LIX1: variants seen among roughly 807,000 people sequenced by gnomAD.
LIX1 encodes protein limb expression 1 homolog.
A neutral mutation model predicts 33.4 loss-of-function variants in LIX1; 24 were observed. That is an observed-to-expected ratio of 0.72 (90% confidence interval 0.52 to 1.01). LIX1 has a LOEUF of 1.01. Among genes scored for constraint, LIX1 ranks in the 50% least tolerant of loss-of-function variants. The pLI is 0.00. For missense variants in LIX1, 311 were observed against 339.2 expected (o/e 0.92, Z 0.65); for synonymous variants, 124 against 124.0 (o/e 1.00, Z 0.00).
At chr5:97,137,085 T>C (rs956848901) in intron 1 of LIX1, 1 of 445,528 alleles carries the variant, frequency 2.2e-6, no homozygotes, top group African/African-American at 2.0e-5. Flanking sequence ...AAACAGAAGA[T>C]CATAACTTAG....
chr5:97,128,580 A>G (rs908619661), intron 1 of LIX1, among the ~76,000 whole-genome samples: 1 of 152,022 alleles, frequency 6.6e-6, no homozygotes, highest in African/African-American at 2.4e-5. Context: ...TGTTGCAAAA[A>G]CTCAACATAT....
chr5:97,115,467 T>C (rs1680893573), intron 2 of LIX1, among the ~76,000 whole-genome samples: 1 of 152,140 alleles, frequency 6.6e-6, no homozygotes, highest in Non-Finnish European at 1.5e-5. Flanking sequence ...TATTAGAAAA[T>C]AGGCAGGATA....
chr5:97,126,086 A>T (rs1489314027), intron 1 of LIX1, among the ~76,000 whole-genome samples: 2 of 152,164 alleles, frequency 1.3e-5, no homozygotes, highest in Admixed American at 6.5e-5. Flanking sequence ...TCCTTAAGCC[A>T]TTTTCAGGTG....
chr5:97,108,334 C>G (rs1461041542), intron 2 of LIX1, among the ~76,000 whole-genome samples: 1 of 152,162 alleles, frequency 6.6e-6, no homozygotes. Context: ...CCATAGGCAG[C>G]CTATGATTAG....
chr5:97,140,478 T>C (rs769026449), intron 1 of LIX1, among the ~76,000 whole-genome samples: 72 of 152,308 alleles, frequency 4.7e-4, no homozygotes, highest in Non-Finnish European at 8.8e-4. Context: ...CATTCAAGGC[T>C]GGTGGCAGCT....
At chr5:97,099,569 G>T (rs1364234360) in intron 4 of LIX1, among the ~76,000 whole-genome samples, 1 of 152,212 alleles carries the variant, frequency 6.6e-6, no homozygotes, top group Non-Finnish European at 1.5e-5. Flanking sequence ...CAGGTGTGGT[G>T]GCTTGTGCCT....
intron 1 of LIX1, among the ~76,000 whole-genome samples, chr5:97,141,117 C>G (rs777542415): frequency 2.1e-5 from 3 of 143,962 alleles, no homozygotes; most frequent in African/African-American, 7.4e-5. Context: ...CAGTGAAAAA[C>G]GTCCCCCCTA....
At chr5:97,125,229 T>C in intron 1 of LIX1, among the ~76,000 whole-genome samples, 1 of 152,264 alleles carries the variant, frequency 6.6e-6, no homozygotes, top group African/African-American at 2.4e-5. Context: ...AAGAACAAGG[T>C]CTGTTCGAGT....
intron 3 of LIX1, among the ~76,000 whole-genome samples, chr5:97,106,596 G>A (rs1446306264): frequency 1.3e-5 from 2 of 152,146 alleles, no homozygotes; most frequent in African/African-American, 2.4e-5. Context: ...CACACACAGG[G>A]CGATACTTGC....
chr5:97,136,954 G>A, intron 1 of LIX1: 1 of 219,204 alleles, frequency 4.6e-6, no homozygotes, highest in Admixed American at 5.3e-5. Flanking sequence ...AGAGTGTTTG[G>A]GGTTAAAACA....
intron 1 of LIX1, among the ~76,000 whole-genome samples, 161 bp downstream of exon 1, chr5:97,142,334 A>T (rs1235289470): frequency 1.3e-5 from 2 of 152,236 alleles, no homozygotes; most frequent in Admixed American, 6.5e-5. Flanking sequence ...GGTGAAATGA[A>T]ATCGTTCTTC....
chr5:97,110,572 G>C (rs1333462673), intron 2 of LIX1, among the ~76,000 whole-genome samples: 3 of 152,102 alleles, frequency 2.0e-5, no homozygotes, highest in Admixed American at 6.5e-5. Flanking sequence ...AGCCTCCCGA[G>C]TAGCTGGGAT....
intron 4 of LIX1, chr5:97,102,981 C>G (rs1398586659): frequency 2.3e-6 from 1 of 433,932 alleles, no homozygotes; most frequent in Non-Finnish European, 4.5e-6. Context: ...TACTTAAATC[C>G]CGCAAAAATT....
chr5:97,105,772 T>C (rs1334631249), intron 3 of LIX1, among the ~76,000 whole-genome samples: 1 of 152,218 alleles, frequency 6.6e-6, no homozygotes, highest in African/African-American at 2.4e-5. Flanking sequence ...ACATGGATCA[T>C]GGTTTATATT....
intron 1 of LIX1, 67 bp from the exon 2 acceptor site, chr5:97,124,696 T>A: frequency 7.2e-7 from 1 of 1,395,420 alleles, no homozygotes; most frequent in Non-Finnish European, 9.8e-7. Context: ...ACCAAAATTT[T>A]ATTTGCAAGC....
chr5:97,127,526 C>A (rs540872848), intron 1 of LIX1, among the ~76,000 whole-genome samples: 1 of 152,076 alleles, frequency 6.6e-6, no homozygotes, highest in African/African-American at 2.4e-5. Flanking sequence ...GACTCAAAAA[C>A]CAGACAAATG....
Position 97,094,055 on chromosome 5 carries a change from G to A in LIX1, c.*693C>T, listed in dbSNP as rs1746211385. The A allele has an allele frequency of 6.6e-6, 1 of 152,284 alleles. No individual in the cohort carries two copies. Among genetic ancestry groups the A allele is most frequent in the Admixed American group, 6.5e-5 (1 of 15,274 alleles). The allele number at this position is 152,284 out of a possible 1,614,324, so 9.4% of individuals were successfully genotyped here. A position where few individuals can be genotyped will look rare whatever the true frequency, so the allele number is the denominator to read the frequency against. On this transcript the variant is annotated 3_prime_UTR_variant, in exon 6 of 6. Transcript: ENST00000274382. ...GGATATTAATTCTTGAGGAATAAGA[G>A]TGAGGCTACTTTTCTAGGTGATATT...
rs546209756 is a variant in LIX1, at chr5:97,109,731, C to A, written c.247-2231G>T. 5.9e-5 allele frequency among the ~76,000 whole-genome samples: 9 copies of A among 152,098 alleles called. No homozygotes were observed. In the South Asian group the frequency reaches 1.9e-3, roughly 32 times the overall value. ...CTGTATCCAATATGTAGTCTTTTAT[C>A]CCTCACCCCCCTCCCAATCTTCTCC... On this transcript the variant is annotated intron_variant, in intron 2 of 5. Coordinates refer to ENST00000274382, the MANE Select transcript of LIX1 (RefSeq NM_153234.5).
Position 97,103,852 on chromosome 5 carries a change from C to A in LIX1, c.483+1338G>T, listed in dbSNP as rs546181870. 2.2e-3 allele frequency among the ~76,000 whole-genome samples: 332 copies of A among 151,770 alleles called. 5 individuals are homozygous for A. The highest frequency in any genetic ancestry group is 7.7e-3 in the African/African-American group (318 of 41,378). Reference sequence around the variant, plus strand: ...TGGTGGTGGGCGCCTGTAGTCCCAGCTACTCAGGAGGCTGAGGCAGGAGAA... The same window carrying A: ...TGGTGGTGGGCGCCTGTAGTCCCAGATACTCAGGAGGCTGAGGCAGGAGAA... On this transcript the variant is annotated intron_variant, in intron 4 of 5. Coordinates refer to ENST00000274382, the MANE Select transcript of LIX1 (RefSeq NM_153234.5).
Sources: gnomAD v4.1 joint callset for allele counts (sites outside exome capture counted in the v4.1 genomes callset) on GRCh38, gnomAD v4.1.1 for gene constraint, MANE v1.5 for transcripts, NCBI Gene and HGNC (gene_info 2026-07-23, HGNC 2026-07-21) for gene names.